RHOG: variants seen among roughly 807,000 people sequenced by gnomAD.
RHOG encodes the protein rho-related GTP-binding protein RhoG.
RHOG carries 1 observed loss-of-function variant against 12.3 expected under a neutral mutation model. That is an observed-to-expected ratio of 0.08 (90% CI 0.03 to 0.39). The LOEUF (loss-of-function observed/expected upper bound fraction) is 0.39. Ranked by LOEUF, RHOG falls within the 10% of genes least tolerant of loss-of-function variation. RHOG has a pLI of 0.99. For synonymous variants in RHOG, 129 were observed against 116.0 expected (o/e 1.11, Z -0.72); for missense variants, 114 against 266.2 (o/e 0.43, Z 3.98).
chr11:3,839,630 G>C (rs2090179225), intron 1 of RHOG, among the ~76,000 whole-genome samples: 1 of 121,522 alleles, frequency 8.2e-6, no homozygotes. Context: ...CACACACACA[G>C]GCTTTCCAGC....
intron 1 of RHOG, among the ~76,000 whole-genome samples, chr11:3,838,895 G>T (rs1156797176): frequency 6.6e-6 from 1 of 152,136 alleles, no homozygotes; most frequent in African/African-American, 2.4e-5. Flanking sequence ...GAAGGAATAG[G>T]GTCCTAGGTG....
At chr11:3,835,194 G>T (rs968429782) in intron 1 of RHOG, among the ~76,000 whole-genome samples, 3 of 152,164 alleles carry the variant, frequency 2.0e-5, no homozygotes, top group Admixed American at 2.0e-4. Flanking sequence ...AGCACCCTAA[G>T]CTGAGCACAC....
At chr11:3,829,703 C>T (rs1313464216) in intron 1 of RHOG, among the ~76,000 whole-genome samples, 4 of 152,130 alleles carry the variant, frequency 2.6e-5, no homozygotes, top group Admixed American at 2.0e-4. Flanking sequence ...GGCTGAGGCT[C>T]CCAGACATTA....
At chr11:3,828,743 C>T (rs1158012444) in intron 1 of RHOG, among the ~76,000 whole-genome samples, 1 of 151,132 alleles carries the variant, frequency 6.6e-6, no homozygotes, top group Non-Finnish European at 1.5e-5. Context: ...GCCTCAGCCT[C>T]TCGAGTAGCT....
In RHOG at chr11:3,828,012, G is replaced by C; in HGVS notation, c.127C>G (p.Gln43Glu). The change falls in exon 2 of 2, where the codon CAG (glutamine) becomes GAG (glutamate). Residue 43 changes from glutamine to glutamate, a missense_variant. This residue lies in a region of RHOG where 53 missense variants were observed against 164.8 expected (regional missense o/e 0.32). Coordinates refer to ENST00000351018, the MANE Select transcript of RHOG (RefSeq NM_001665.4). The part of the protein sequence containing the change: ...IPTVFDNYSA[Q>E]SAVDGRTVNL... ...ACTGTGCGCCCGTCAACTGCGCTCTGCGCGCTGTAATTGTCGAACACGGTG... is the reference window on the plus strand; with the variant it reads ...ACTGTGCGCCCGTCAACTGCGCTCTCCGCGCTGTAATTGTCGAACACGGTG... 6.2e-7 allele frequency: 1 copy of C among 1,614,290 alleles called. No homozygotes were observed. The highest frequency in any genetic ancestry group is 8.5e-7 in the Non-Finnish European group (1 of 1,180,054).
chr11:3,837,134 C>T (rs2090162695), intron 1 of RHOG, among the ~76,000 whole-genome samples: 1 of 152,094 alleles, frequency 6.6e-6, no homozygotes, highest in African/African-American at 2.4e-5. Context: ...ACAGAAGTGC[C>T]ATCCTGCAAA....
intron 1 of RHOG, among the ~76,000 whole-genome samples, chr11:3,837,200 T>G (rs2090162941): frequency 6.6e-6 from 1 of 152,058 alleles, no homozygotes; most frequent in East Asian, 1.9e-4. Context: ...GCCCAGTCCC[T>G]TTAGCCCCGC....
intron 1 of RHOG, among the ~76,000 whole-genome samples, chr11:3,839,088 C>A (rs1046640250): frequency 2.0e-5 from 3 of 152,154 alleles, no homozygotes; most frequent in African/African-American, 7.2e-5. Context: ...CGAAGTTAGA[C>A]CAGCTGCAGT....
In RHOG at chr11:3,827,632, G is replaced by A. The variant is rs762617623; in HGVS notation, c.507C>T (p.Phe169=). The change falls in exon 2 of 2, where the codon TTC becomes TTT. Residue 169 remains phenylalanine, a synonymous_variant. Transcript: ENST00000351018. The surrounding 1 kb of genome is among the most constrained non-coding windows in gnomAD (Gnocchi z 7.3). ...ALQQDGVKEV[F]AEAVRAVLNP... ...TGAGCACAGCCCGGACAGCCTCGGC[G>A]AACACTTCCTTGACACCATCCTGTT... 34 of 1,613,482 alleles carry A rather than the reference G, an allele frequency of 2.1e-5. No individual in the cohort carries two copies. Among genetic ancestry groups the A allele is most frequent in the East Asian group, 4.5e-5 (2 of 44,872 alleles).
intron 1 of RHOG, among the ~76,000 whole-genome samples, chr11:3,836,248 T>A (rs772677025): frequency 1.2e-4 from 18 of 150,156 alleles, no homozygotes; most frequent in Non-Finnish European, 1.9e-4. Context: ...TCCCAGCTAC[T>A]CAGGAGGCTG....
At chr11:3,828,811 G>A (rs563161506) in intron 1 of RHOG, among the ~76,000 whole-genome samples, 170 of 151,494 alleles carry the variant, frequency 1.1e-3, no homozygotes, top group South Asian at 2.7e-3. Flanking sequence ...TAGTAGAGAT[G>A]GGGTTTCACC....
At chr11:3,831,618 C>T (rs775537279) in intron 1 of RHOG, among the ~76,000 whole-genome samples, 3 of 152,292 alleles carry the variant, frequency 2.0e-5, no homozygotes, top group Admixed American at 1.3e-4. Context: ...GAGGCATTTA[C>T]GCTTGCTGGG....
intron 1 of RHOG, among the ~76,000 whole-genome samples, chr11:3,838,739 G>A (rs1485875289): frequency 6.6e-6 from 1 of 152,166 alleles, no homozygotes; most frequent in Non-Finnish European, 1.5e-5. Context: ...TTCTAGTGGA[G>A]AGAAATGAAT....
chr11:3,833,397 G>C (rs886753575), intron 1 of RHOG, among the ~76,000 whole-genome samples: 1 of 152,194 alleles, frequency 6.6e-6, no homozygotes, highest in Admixed American at 6.5e-5. Context: ...TGGGATTATG[G>C]GCGTGGGCCA....
chr11:3,834,337 A>C (rs1440774632), intron 1 of RHOG, among the ~76,000 whole-genome samples: 1 of 152,136 alleles, frequency 6.6e-6, no homozygotes, highest in Non-Finnish European at 1.5e-5. Context: ...CTCTGGACTA[A>C]ATGACAAAAA....
At chr11:3,828,292 G>A (rs1409705935) in intron 1 of RHOG, 86 bp from the exon 2 acceptor site, 9 of 664,978 alleles carry the variant, frequency 1.4e-5, no homozygotes, top group Admixed American at 2.9e-5. Context: ...AAGGGAAACC[G>A]GCTCCTGTTC....
At chr11:3,833,613 T>C (rs1391043111) in intron 1 of RHOG, among the ~76,000 whole-genome samples, 1 of 152,222 alleles carries the variant, frequency 6.6e-6, no homozygotes. Flanking sequence ...TTCTGATGAT[T>C]TGCCTCTCTA....
intron 1 of RHOG, among the ~76,000 whole-genome samples, chr11:3,832,431 A>G (rs2090135507): frequency 6.6e-6 from 1 of 152,194 alleles, no homozygotes; most frequent in African/African-American, 2.4e-5. Flanking sequence ...CAGGTAAGTT[A>G]CTGCCCTTCC....
rs751183167 is a variant in RHOG, at chr11:3,827,647, A to G, written c.492T>C (p.Gly164=). The change falls in exon 2 of 2, where the codon GGT becomes GGC. Residue 164 remains glycine, a synonymous_variant. Transcript: ENST00000351018. This position sits in a 1 kb window ranked among gnomAD's most constrained non-coding sequence, Gnocchi z 7.3. ...CAGCCTCGGCGAACACTTCCTTGACACCATCCTGTTGCAGGGCTGAGCATT... is the reference window on the plus strand; with the variant it reads ...CAGCCTCGGCGAACACTTCCTTGACGCCATCCTGTTGCAGGGCTGAGCATT... The part of the protein sequence containing the change: ...YLECSALQQD[G]VKEVFAEAVR... The G allele has an allele frequency of 1.9e-6, 3 of 1,613,876 alleles. No homozygotes were observed. Among genetic ancestry groups the G allele is most frequent in the Admixed American group, 3.3e-5 (2 of 60,026 alleles).
Sources: gnomAD v4.1 joint callset for allele counts (sites outside exome capture counted in the v4.1 genomes callset) on GRCh38, gnomAD v4.1.1 for gene constraint, gnomAD v4.1.1 regional missense constraint, Gnocchi (gnomAD v3.1) non-coding constraint, MANE v1.5 for transcripts, NCBI Gene and HGNC (gene_info 2026-07-23, HGNC 2026-07-21) for gene names.